The following LOXHD1 variants were observed in gnomAD, a reference collection of about 807,000 sequenced individuals.
LOXHD1 encodes lipoxygenase homology domain-containing protein 1.
Under a neutral mutation model 248.2 loss-of-function variants are expected in LOXHD1, and 205 were observed. That is an observed-to-expected ratio of 0.83 (90% CI 0.74 to 0.93). LOXHD1 has a LOEUF of 0.93. LOXHD1 is among the 40% of genes least tolerant of loss of function. LOXHD1 has a pLI of 0.00. For synonymous variants in LOXHD1, 1,113 were observed against 1,162.8 expected (o/e 0.96, Z 0.87); for missense variants, 2,930 against 2,971.6 (o/e 0.99, Z 0.33).
Position 46,657,121 on chromosome 18 carries a change from T to G in LOXHD1, c.-88A>C. On this transcript the variant is annotated 5_prime_UTR_variant, in exon 1 of 41. Coordinates refer to ENST00000642948, the MANE Select transcript of LOXHD1 (RefSeq NM_001384474.1). The stretch of plus-strand genomic sequence containing the variant: ...AACCTGAGACCTCCTCCCTGAGCTC[T>G]GGCGCCCACGGCCCTCCTATAGCTC... 1 of 1,543,774 alleles carries G rather than the reference T, an allele frequency of 6.5e-7. No homozygotes were observed. The highest frequency in any genetic ancestry group is 8.7e-7 in the Non-Finnish European group (1 of 1,143,394).
intron 4 of LOXHD1, among the ~76,000 whole-genome samples, chr18:46,631,542 CTGAGGCTT>C (rs1213810539): frequency 2.6e-5 from 4 of 152,252 alleles, no homozygotes; most frequent in African/African-American, 9.6e-5. Context: ...TCCAGAGAGG[CTGAGGCTT>C]TCCATCCAGT....
At chr18:46,611,175 A>G (rs1300218198) in intron 5 of LOXHD1, among the ~76,000 whole-genome samples, 1 of 151,906 alleles carries the variant, frequency 6.6e-6, no homozygotes, top group Non-Finnish European at 1.5e-5. Flanking sequence ...ATCCTACTAA[A>G]CCGATTTGTA....
chr18:46,542,061 T>C, intron 24 of LOXHD1, 121 bp from the exon 25 acceptor site: 1 of 896,190 alleles, frequency 1.1e-6, no homozygotes, highest in Non-Finnish European at 1.6e-6. Flanking sequence ...TAACATGACA[T>C]CCCTTTTGCT....
chr18:46,531,235 C>T (rs1053027366), intron 28 of LOXHD1, among the ~76,000 whole-genome samples: 2 of 152,038 alleles, frequency 1.3e-5, no homozygotes, highest in Admixed American at 6.5e-5. Flanking sequence ...GCTCCCACCC[C>T]ACTCTGCCCC....
At position 46,518,309 on chromosome 18, in the gene LOXHD1, C is replaced by A. The variant is rs868767862; in HGVS notation, c.5272-53G>T. On this transcript the variant is annotated intron_variant, in intron 33 of 40. Coordinates refer to ENST00000642948, the MANE Select transcript of LOXHD1 (RefSeq NM_001384474.1). Reference sequence around the variant, plus strand: ...GTCTCAGCCTCACCCTCCAACCCCACCTGACCTGCCTCAGTCTCACCAGAG... The same window carrying A: ...GTCTCAGCCTCACCCTCCAACCCCAACTGACCTGCCTCAGTCTCACCAGAG... 7 of 1,536,790 alleles carry A rather than the reference C, an allele frequency of 4.6e-6. No homozygotes were observed. The Middle Eastern group carries it at 6.7e-4, about 147-fold the overall frequency.
intron 37 of LOXHD1, among the ~76,000 whole-genome samples, chr18:46,505,415 T>C (rs1871247353): frequency 1.3e-5 from 2 of 152,152 alleles, no homozygotes; most frequent in African/African-American, 4.8e-5. Flanking sequence ...CTCCTGGGGC[T>C]CAAGCAATCC....
chr18:46,605,253 C>T (rs2038394775), intron 6 of LOXHD1, among the ~76,000 whole-genome samples: 1 of 152,128 alleles, frequency 6.6e-6, no homozygotes, highest in Non-Finnish European at 1.5e-5. Flanking sequence ...TTTGGCTGGG[C>T]GTGGTGGCTC....
rs2036391590 is a variant in LOXHD1 at position 46,538,059 on chromosome 18, C to T, written c.4095+97G>A. ...ACCTTCCTCTCTAATAGCAGTGCAT[C>T]AGGATGAAGGGCATGTGTTCTGCCC... On this transcript the variant is annotated intron_variant, in intron 26 of 40. Coordinates refer to ENST00000642948, the MANE Select transcript of LOXHD1 (RefSeq NM_001384474.1). The T allele has an allele frequency of 3.6e-6, 4 of 1,119,514 alleles. No individual in the cohort carries two copies. The South Asian group carries it at 7.0e-5, about 20-fold the overall frequency. 69.3% of individuals were successfully genotyped at this position (1,119,514 alleles called of 1,614,324 possible). A position where few individuals can be genotyped will look rare whatever the true frequency, so the allele number is the denominator to read the frequency against.
At chr18:46,531,351 A>G (rs1173409015) in intron 28 of LOXHD1, among the ~76,000 whole-genome samples, 1 of 151,760 alleles carries the variant, frequency 6.6e-6, no homozygotes, top group Non-Finnish European at 1.5e-5. Flanking sequence ...GCTAATACTG[A>G]CCTGCGGTGA....
chr18:46,477,483 G>C lies in LOXHD1; in HGVS notation c.6811C>G (p.Pro2271Ala), dbSNP rs1371196736. The change falls in exon 41 of 41, where the codon CCT (proline) becomes GCT (alanine). Residue 2271 changes from proline to alanine, a missense_variant. Physicochemically the swap from Pro to Ala is conservative, Grantham distance 27 (BLOSUM62 -1). Transcript: ENST00000642948. ...GDGLTWRDLF[P>A]SV The stretch of plus-strand genomic sequence containing the variant: ...GGGGCCCTAGCCCCTCAGACAGAAG[G>C]GAAGAGGTCTCTCCAGGTGAGTCCA... The C allele has an allele frequency of 3.4e-5, 52 of 1,546,054 alleles. No individual in the cohort carries two copies. Among genetic ancestry groups the C allele is most frequent in the Non-Finnish European group, 4.5e-5 (52 of 1,143,360 alleles).
At chr18:46,528,288 G>A (rs2035911925) in intron 29 of LOXHD1, among the ~76,000 whole-genome samples, 1 of 152,092 alleles carries the variant, frequency 6.6e-6, no homozygotes, top group East Asian at 1.9e-4. Context: ...TTCAGTGCAT[G>A]GAGAGGAGAA....
intron 4 of LOXHD1, among the ~76,000 whole-genome samples, chr18:46,632,332 G>A (rs927373831): frequency 6.6e-6 from 1 of 152,126 alleles, no homozygotes; most frequent in Non-Finnish European, 1.5e-5. Flanking sequence ...TGTATGATGG[G>A]AATCTGTGTC....
intron 28 of LOXHD1, among the ~76,000 whole-genome samples, chr18:46,529,664 G>A (rs1302025471): frequency 6.6e-6 from 1 of 152,134 alleles, no homozygotes; most frequent in Non-Finnish European, 1.5e-5. Flanking sequence ...CCTGAGATGT[G>A]TCCACACTGT....
intron 2 of LOXHD1, among the ~76,000 whole-genome samples, chr18:46,646,665 C>T (rs4890679): frequency 6.6e-5 from 10 of 152,202 alleles, no homozygotes; most frequent in East Asian, 1.9e-4. Flanking sequence ...CTCCTCTGCC[C>T]CCATCAGCCC....
chr18:46,483,766 G>T, intron 39 of LOXHD1, 21 bp from the exon 40 acceptor site: 1 of 1,547,806 alleles, frequency 6.5e-7, no homozygotes, highest in Non-Finnish European at 8.7e-7. Context: ...CAAAAGTGTG[G>T]TCCATGAGCT....
At chr18:46,536,558 G>A (rs2036318990) in intron 26 of LOXHD1, among the ~76,000 whole-genome samples, 2 of 152,158 alleles carry the variant, frequency 1.3e-5, no homozygotes, top group African/African-American at 2.4e-5. Context: ...GTCTATTAGT[G>A]GGGACTTCAT....
Position 46,604,048 on chromosome 18 carries a change from G to C in LOXHD1, c.883+58C>G, listed in dbSNP as rs9958924. On this transcript the variant is annotated intron_variant, in intron 7 of 40. Transcript: ENST00000642948. Reference sequence around the variant, plus strand: ...GCCTCCAGCCCCACAGATGCCAACAGCGACCCTTAGGCAGAAAGTGAAATA... The same window carrying C: ...GCCTCCAGCCCCACAGATGCCAACACCGACCCTTAGGCAGAAAGTGAAATA... 9,319 of 1,546,298 alleles carry C rather than the reference G, an allele frequency of 6.0e-3. 306 individuals are homozygous for C. In the African/African-American group the frequency reaches 0.072, roughly 12 times the overall value.
At chr18:46,531,462 A>G (rs2036063678) in intron 28 of LOXHD1, among the ~76,000 whole-genome samples, 1 of 151,710 alleles carries the variant, frequency 6.6e-6, no homozygotes, top group African/African-American at 2.4e-5. Context: ...CCTGCTCCAC[A>G]TGTGAGCTAA....
In LOXHD1 at chr18:46,541,802, T is replaced by C; in HGVS notation, c.3887A>G (p.Glu1296Gly). Reference sequence around the variant, plus strand: ...TGGTGTGTACAGCCTCGTCTGAAGCTCTGCATGGAAGAGGTCTCTGATGAT... The same window carrying C: ...TGGTGTGTACAGCCTCGTCTGAAGCCCTGCATGGAAGAGGTCTCTGATGAT... The part of the protein sequence containing the change: ...GSIIRDLFHA[E>G]LQTRLYTPFV... Residue 1296 changes from glutamate to glycine, a missense_variant, in exon 25 of 41, where the codon GAG (glutamate) becomes GGG (glycine). By Grantham distance (98) the Glu-to-Gly change is moderately conservative. Transcript: ENST00000642948. The C allele has an allele frequency of 2.6e-6, 4 of 1,551,702 alleles. No individual in the cohort carries two copies. Among genetic ancestry groups the C allele is most frequent in the Non-Finnish European group, 3.5e-6 (4 of 1,146,984 alleles).
Sources: allele counts gnomAD v4.1 joint callset (sites outside exome capture counted in the v4.1 genomes callset), GRCh38; gene constraint gnomAD v4.1.1; transcripts MANE v1.5; gene names NCBI Gene and HGNC (gene_info 2026-07-23, HGNC 2026-07-21).